The following NOMO1 variants were observed in gnomAD, a reference collection of about 807,000 sequenced individuals.
NOMO1 encodes NODAL modulator 1, also known as nodal modulator 3.
Under a neutral mutation model 133.8 loss-of-function variants are expected in NOMO1, and 40 were observed. The observed-to-expected ratio is 0.30, with a 90% CI of 0.23 to 0.39. NOMO1 has a LOEUF of 0.39. NOMO1 is among the 10% of genes least tolerant of loss of function. The pLI, the probability that NOMO1 is intolerant of heterozygous loss-of-function variation, is 1.00. For missense variants in NOMO1, 462 were observed against 1,419.9 expected (o/e 0.33, Z 10.84); for synonymous variants, 236 against 570.5 (o/e 0.41, Z 8.36).
chr16:14,851,212 G>A (rs1963754210), intron 6 of NOMO1, among the ~76,000 whole-genome samples: 2 of 151,698 alleles, frequency 1.3e-5, no homozygotes, highest in East Asian at 1.9e-4. Context: ...TATGAGATTG[G>A]GATTTTCAAG....
At chr16:14,887,902 T>G (rs1466437822) in intron 28 of NOMO1, among the ~76,000 whole-genome samples, 1 of 150,886 alleles carries the variant, frequency 6.6e-6, no homozygotes, top group Non-Finnish European at 1.5e-5. Flanking sequence ...GATAATCTGA[T>G]TATAACGTGT....
At chr16:14,880,752 A>G (rs1964230950) in intron 24 of NOMO1, among the ~76,000 whole-genome samples, 1 of 152,184 alleles carries the variant, frequency 6.6e-6, no homozygotes, top group East Asian at 1.9e-4. Flanking sequence ...TCAGTTGAAT[A>G]AAACTTCAAA....
chr16:14,874,245 G>A lies in NOMO1; in HGVS notation c.2055-791G>A, dbSNP rs1239729135. On this transcript the variant is annotated intron_variant, in intron 18 of 30. Transcript: ENST00000287667. ...CTGAAAACTCCAGTGGCTCCAGGTC[G>A]GCACCAAGCCTGTGAAGCCTCAGTC... Among the ~76,000 whole-genome samples, 10 of 151,698 alleles carry A rather than the reference G, an allele frequency of 6.6e-5. No homozygotes were observed. The South Asian group carries it at 8.3e-4, about 13-fold the overall frequency.
At chr16:14,894,648 C>CT (rs1327178569) in intron 29 of NOMO1, among the ~76,000 whole-genome samples, 2 of 148,692 alleles carry the variant, frequency 1.3e-5, no homozygotes, top group Non-Finnish European at 3.0e-5. Flanking sequence ...ACTCAACAAA[C>CT]TGAGACCCAG....
At chr16:14,885,648 A>T (rs1964313029) in intron 27 of NOMO1, among the ~76,000 whole-genome samples, 3 of 122,896 alleles carry the variant, frequency 2.4e-5, no homozygotes, top group African/African-American at 9.3e-5. Context: ...GAGAGTGCAG[A>T]GGGTTGGGTA....
At position 14,855,342 on chromosome 16, in the gene NOMO1, G is replaced by T. The variant is rs561499832; in HGVS notation, c.963+1316G>T. Among the ~76,000 whole-genome samples, 1,085 of 150,856 alleles carry T rather than the reference G, an allele frequency of 7.2e-3. 19 individuals carry two copies. The highest frequency in any genetic ancestry group is 0.024 in the African/African-American group (976 of 40,930). ...CTCACTTACGTCTCCTTTAATTACAGAAGTAGAAAATGGTTACTGTAGAAA... is the reference window on the plus strand; with the variant it reads ...CTCACTTACGTCTCCTTTAATTACATAAGTAGAAAATGGTTACTGTAGAAA... On this transcript the variant is annotated intron_variant, in intron 9 of 30. Coordinates refer to ENST00000287667, the MANE Select transcript of NOMO1 (RefSeq NM_014287.4).
intron 15 of NOMO1, among the ~76,000 whole-genome samples, chr16:14,867,168 ATATATATATTTTTTTT>A (rs1349210009): frequency 3.7e-4 from 6 of 16,300 alleles, no homozygotes; most frequent in Middle Eastern, 0.025. Context: ...ATATATATAT[ATATATATATTTTTTTT>A]TTTTTTTTTT....
At chr16:14,886,076 G>A (rs1397810907) in intron 27 of NOMO1, among the ~76,000 whole-genome samples, 1 of 152,042 alleles carries the variant, frequency 6.6e-6, no homozygotes, top group African/African-American at 2.4e-5. Context: ...TTTGCCATCA[G>A]CCAGGGCTGC....
intron 5 of NOMO1, among the ~76,000 whole-genome samples, chr16:14,846,926 C>T (rs1963690627): frequency 6.6e-6 from 1 of 150,390 alleles, no homozygotes. Context: ...GGCATATTGG[C>T]TTGCGCCTAT....
At chr16:14,880,430 T>C (rs1321818708) in intron 24 of NOMO1, among the ~76,000 whole-genome samples, 6 of 151,992 alleles carry the variant, frequency 3.9e-5, no homozygotes, top group Non-Finnish European at 8.8e-5. Context: ...TCATTCTTCT[T>C]GCCCAGGCTG....
intron 26 of NOMO1, among the ~76,000 whole-genome samples, chr16:14,883,811 C>T (rs1039142869): frequency 2.0e-5 from 3 of 150,916 alleles, no homozygotes; most frequent in South Asian, 2.1e-4. Context: ...TCTGGGATCT[C>T]GCAAACTCCA....
chr16:14,885,508 T>C (rs1964310479), intron 27 of NOMO1, among the ~76,000 whole-genome samples: 1 of 152,112 alleles, frequency 6.6e-6, no homozygotes, highest in Non-Finnish European at 1.5e-5. Flanking sequence ...GGGGGTACAT[T>C]GTTAAGATGC....
chr16:14,848,037 T>G (rs1446321258), intron 5 of NOMO1, among the ~76,000 whole-genome samples: 1 of 151,976 alleles, frequency 6.6e-6, no homozygotes, highest in Admixed American at 6.6e-5. Flanking sequence ...ATTATGAAAA[T>G]GAAATAGAAG....
chr16:14,884,611 C>T (rs867471433), intron 27 of NOMO1, 129 bp downstream of exon 27: 24 of 1,386,364 alleles, frequency 1.7e-5, no homozygotes, highest in Admixed American at 1.1e-4. Context: ...TCCAGAGCGC[C>T]GCCTGCTGAG....
At chr16:14,874,913 G>A (rs1179209806) in intron 18 of NOMO1, 123 bp from the exon 19 acceptor site, 18 of 756,422 alleles carry the variant, frequency 2.4e-5, no homozygotes, top group Non-Finnish European at 3.5e-5. Context: ...AGAAGACTCC[G>A]CCACTGTGGT....
intron 14 of NOMO1, among the ~76,000 whole-genome samples, chr16:14,866,246 G>T (rs1256944198): frequency 1.3e-5 from 2 of 149,068 alleles, no homozygotes; most frequent in African/African-American, 5.0e-5. Flanking sequence ...TTTTAGTAGA[G>T]ATGGGGTTTT....
Position 14,895,543 on chromosome 16 carries a change from C to T in NOMO1, c.3567C>T (p.Ser1189=), listed in dbSNP as rs771977881. ...KLIPLLLQLT[S]RLQGVRALGQ... is the part of the protein sequence containing the mutation. ...TTCCTTTGCTGCTGCAGTTGACAAG[C>T]CGGCTACAGGGAGTCCGCGCGCTCG... The change falls in exon 31 of 31, where the codon AGC becomes AGT. Residue 1189 remains serine, a synonymous_variant. Coordinates refer to ENST00000287667, the MANE Select transcript of NOMO1 (RefSeq NM_014287.4). The T allele has an allele frequency of 6.2e-7, 1 of 1,611,880 alleles. No individual in the cohort carries two copies. Among genetic ancestry groups the T allele is most frequent in the Non-Finnish European group, 8.5e-7 (1 of 1,179,878 alleles).
At chr16:14,871,122 G>A (rs1025238846) in intron 16 of NOMO1, among the ~76,000 whole-genome samples, 7 of 151,784 alleles carry the variant, frequency 4.6e-5, no homozygotes, top group Non-Finnish European at 7.4e-5. Flanking sequence ...TCTGGCAAGT[G>A]ATGAAATGTA....
At chr16:14,886,954 A>G in intron 28 of NOMO1, 92 bp downstream of exon 28, 1 of 1,468,296 alleles carries the variant, frequency 6.8e-7, no homozygotes, top group Non-Finnish European at 9.5e-7. Flanking sequence ...TTTTCTCCCT[A>G]AATACCACTC....
Sources: gnomAD v4.1 joint callset for allele counts (sites outside exome capture counted in the v4.1 genomes callset) on GRCh38, gnomAD v4.1.1 for gene constraint, MANE v1.5 for transcripts, NCBI Gene and HGNC (gene_info 2026-07-23, HGNC 2026-07-21) for gene names.